Variants in ABHD4 observed in about 807,000 individuals in gnomAD.
The protein encoded by ABHD4 is (Lyso)-N-acylphosphatidylethanolamine lipase.
ABHD4 carries 35 observed loss-of-function variants against 42.3 expected under a neutral mutation model. The ratio of observed to expected loss-of-function variants is 0.83; its 90% confidence interval spans 0.63 to 1.10. The LOEUF (loss-of-function observed/expected upper bound fraction) is 1.10. Ranked by LOEUF, ABHD4 falls within the 50% of genes least tolerant of loss-of-function variation. The probability of loss-of-function intolerance (pLI) is 0.00; values close to 1 mark genes in which losing one functional copy is unlikely to be tolerated. For missense variants in ABHD4, 389 were observed against 454.8 expected (o/e 0.86, Z 1.32); for synonymous variants, 169 against 170.6 (o/e 0.99, Z 0.07).
intron 1 of ABHD4, among the ~76,000 whole-genome samples, chr14:22,601,089 C>T: frequency 6.6e-6 from 1 of 152,296 alleles, no homozygotes; most frequent in East Asian, 1.9e-4. Flanking sequence ...ATCCAGGTCT[C>T]TCACCTCCTC....
At chr14:22,599,982 A>G in intron 1 of ABHD4, 1 of 291,358 alleles carries the variant, frequency 3.4e-6, no homozygotes, top group Non-Finnish European at 7.0e-6. Flanking sequence ...GCTACTTGCA[A>G]AACACTGGGA....
Position 22,609,658 on chromosome 14 carries a change from T to C in ABHD4, c.753-66T>C, listed in dbSNP as rs1225776454. 2.0e-6 allele frequency: 3 copies of C among 1,532,094 alleles called. No individual in the cohort carries two copies. In the East Asian group the frequency reaches 6.8e-5, roughly 35 times the overall value. The allele number at this position is 1,532,094 out of a possible 1,614,324, so 94.9% of individuals were successfully genotyped here. A position where few individuals can be genotyped will look rare whatever the true frequency, so the allele number is the denominator to read the frequency against. On this transcript the variant is annotated intron_variant, in intron 5 of 6. Coordinates refer to ENST00000428304, the MANE Select transcript of ABHD4 (RefSeq NM_022060.3). Reference sequence around the variant, plus strand: ...AAAGGTGACTAAGATTCTGCCTCAGTCTCTGAAGAGACCAACAAGTTGACA... The same window carrying C: ...AAAGGTGACTAAGATTCTGCCTCAGCCTCTGAAGAGACCAACAAGTTGACA...
intron 2 of ABHD4, 97 bp from the exon 3 acceptor site, chr14:22,603,293 C>G (rs1348045660): frequency 6.7e-7 from 1 of 1,488,274 alleles, no homozygotes; most frequent in African/African-American, 1.4e-5. Context: ...GGGGAGGGTT[C>G]GGGAATGGAG....
chr14:22,604,320 G>C (rs1446143791), intron 4 of ABHD4: 9 of 388,622 alleles, frequency 2.3e-5, no homozygotes, highest in Non-Finnish European at 4.2e-5. Flanking sequence ...GTGCGATCTC[G>C]GCTCACTGCA....
chr14:22,609,662 T>G lies in ABHD4; in HGVS notation c.753-62T>G, dbSNP rs3737018. The G allele has an allele frequency of 1.8e-4, 280 of 1,554,974 alleles. 5 individuals carry two copies. The East Asian group carries it at 6.3e-3, about 35-fold the overall frequency. On this transcript the variant is annotated intron_variant, in intron 5 of 6. Transcript: ENST00000428304. ...GTGACTAAGATTCTGCCTCAGTCTC[T>G]GAAGAGACCAACAAGTTGACATATT...
In ABHD4 at chr14:22,611,654, A is replaced by G. The variant is rs2037416325; in HGVS notation, c.*706A>G. 1 of 152,730 alleles carries G rather than the reference A, an allele frequency of 6.5e-6. No homozygotes were observed. The highest frequency in any genetic ancestry group is 6.5e-5 in the Admixed American group (1 of 15,292). 9.5% of individuals were successfully genotyped at this position (152,730 alleles called of 1,614,324 possible). On this transcript the variant is annotated 3_prime_UTR_variant, in exon 7 of 7. Coordinates refer to ENST00000428304, the MANE Select transcript of ABHD4 (RefSeq NM_022060.3). Reference sequence around the variant, plus strand: ...TGCACACTTGATTTGCTAAGGCTGGAGACAGGCACCATTGCCATGGGGCTG... The same window carrying G: ...TGCACACTTGATTTGCTAAGGCTGGGGACAGGCACCATTGCCATGGGGCTG...
In ABHD4 at chr14:22,612,900, T is replaced by G. The variant is rs988649617; in HGVS notation, c.*1952T>G. On this transcript the variant is annotated 3_prime_UTR_variant, in exon 7 of 7. Transcript: ENST00000428304. ...TTTCCTCCCCAGACCATAAGCAACA[T>G]AAAGACAAAGGGTACATCTAGCACA... The G allele has an allele frequency of 1.3e-5, 2 of 152,200 alleles. No individual in the cohort carries two copies. Among genetic ancestry groups the G allele is most frequent in the Non-Finnish European group, 2.9e-5 (2 of 68,028 alleles). 9.4% of individuals were successfully genotyped at this position (152,200 alleles called of 1,614,324 possible).
In ABHD4 at chr14:22,611,310, G is replaced by C; in HGVS notation, c.*362G>C. On this transcript the variant is annotated 3_prime_UTR_variant, in exon 7 of 7. Transcript: ENST00000428304. Reference sequence around the variant, plus strand: ...TCCTCTGGGCAAAGAAGGGCTTCCAGTGGCCTTTCCTCACTCTGTAGTGTT... The same window carrying C: ...TCCTCTGGGCAAAGAAGGGCTTCCACTGGCCTTTCCTCACTCTGTAGTGTT... 4.2e-6 allele frequency: 1 copy of C among 236,320 alleles called. No individual in the cohort carries two copies. The highest frequency in any genetic ancestry group is 8.6e-6 in the Non-Finnish European group (1 of 116,682). 14.6% of individuals were successfully genotyped at this position (236,320 alleles called of 1,614,324 possible).
chr14:22,608,730 G>A (rs1351174680), intron 5 of ABHD4, among the ~76,000 whole-genome samples: 1 of 151,950 alleles, frequency 6.6e-6, no homozygotes, highest in Non-Finnish European at 1.5e-5. Context: ...TGAGATGGAG[G>A]TTTGCTCATT....
At chr14:22,600,826 A>AGGGG (rs1349707087) in intron 1 of ABHD4, among the ~76,000 whole-genome samples, 2 of 133,178 alleles carry the variant, frequency 1.5e-5, no homozygotes, top group Non-Finnish European at 3.3e-5. Flanking sequence ...CACGTCCAGC[A>AGGGG]GGGGGGTGTG....
Position 22,611,004 on chromosome 14 carries a change from C to A in ABHD4, c.*56C>A. 1 of 1,485,666 alleles carries A rather than the reference C, an allele frequency of 6.7e-7. No individual in the cohort carries two copies. The highest frequency in any genetic ancestry group is 9.4e-7 in the Non-Finnish European group (1 of 1,066,912). 92.0% of individuals were successfully genotyped at this position (1,485,666 alleles called of 1,614,324 possible). A position where few individuals can be genotyped will look rare whatever the true frequency, so the allele number is the denominator to read the frequency against. On this transcript the variant is annotated 3_prime_UTR_variant, in exon 7 of 7. Transcript: ENST00000428304. ...CAGAGAGTCACTCTTACCTCCCTGT[C>A]TGCTTACTCACCCACTCTGTCCTTT...
At chr14:22,609,555 G>C (rs1346520574) in intron 5 of ABHD4, 169 bp from the exon 6 acceptor site, 1 of 630,576 alleles carries the variant, frequency 1.6e-6, no homozygotes, top group Non-Finnish European at 2.7e-6. Flanking sequence ...TTCTGTGATG[G>C]GAGGCCTCTG....
chr14:22,610,536 C>T (rs1037191703), intron 6 of ABHD4, among the ~76,000 whole-genome samples: 1 of 152,174 alleles, frequency 6.6e-6, no homozygotes, highest in Non-Finnish European at 1.5e-5. Context: ...CCCCTCTCCG[C>T]CATGTGCCAA....
At chr14:22,600,469 C>A (rs748876693) in intron 1 of ABHD4, among the ~76,000 whole-genome samples, 1 of 152,146 alleles carries the variant, frequency 6.6e-6, no homozygotes, top group Non-Finnish European at 1.5e-5. Context: ...CCTAAGGAAA[C>A]ATCCTAATTT....
chr14:22,608,421 C>G (rs893377146), intron 5 of ABHD4, among the ~76,000 whole-genome samples: 2 of 152,206 alleles, frequency 1.3e-5, no homozygotes, highest in Non-Finnish European at 2.9e-5. Flanking sequence ...TTCATTCTAC[C>G]TGAGCAAATG....
chr14:22,602,614 C>T (rs2037298630), intron 2 of ABHD4, among the ~76,000 whole-genome samples: 3 of 152,206 alleles, frequency 2.0e-5, no homozygotes, highest in Admixed American at 2.0e-4. Context: ...GCCCCAAGCA[C>T]ACACAGGTTC....
In ABHD4 at chr14:22,601,725, C is replaced by T; in HGVS notation, c.82C>T (p.Leu28=). The stretch of plus-strand genomic sequence containing the variant: ...GTGGCGCCCCACTTCCATGTCTCAG[C>T]TGAAGAATGTGGAAGCCAGGATCCT... The part of the protein sequence containing the change: ...PTWRPTSMSQ[L]KNVEARILQC... The change falls in exon 2 of 7, where the codon CTG becomes TTG. Residue 28 remains leucine, a synonymous_variant. Transcript: ENST00000428304. The T allele has an allele frequency of 6.2e-7, 1 of 1,614,182 alleles. No individual in the cohort carries two copies. The highest frequency in any genetic ancestry group is 8.5e-7 in the Non-Finnish European group (1 of 1,180,020).
At chr14:22,598,404 G>A (rs2037242346) in intron 1 of ABHD4, 75 bp downstream of exon 1, 1 of 1,550,982 alleles carries the variant, frequency 6.4e-7, no homozygotes, top group Non-Finnish European at 8.7e-7. Flanking sequence ...CTGTGGCTGA[G>A]GAACAGTTGT....
rs575941418 is a variant in ABHD4 at position 22,598,452 on chromosome 14, C to T, written c.23+123C>T. 29 of 1,542,468 alleles carry T rather than the reference C, an allele frequency of 1.9e-5. No individual in the cohort carries two copies. In the East Asian group the frequency reaches 2.2e-4, roughly 12 times the overall value. ...GCTCTTCCTTTTCCAGGTCGGCCTCCGGGGAGGGCGGGGGGTGGGTGCGTT... is the reference window on the plus strand; with the variant it reads ...GCTCTTCCTTTTCCAGGTCGGCCTCTGGGGAGGGCGGGGGGTGGGTGCGTT... On this transcript the variant is annotated intron_variant, in intron 1 of 6. Transcript: ENST00000428304.
Sources: allele counts gnomAD v4.1 joint callset (sites outside exome capture counted in the v4.1 genomes callset), GRCh38; gene constraint gnomAD v4.1.1; transcripts MANE v1.5; gene names NCBI Gene and HGNC (gene_info 2026-07-23, HGNC 2026-07-21).